OSBPL6: variants seen among roughly 807,000 people sequenced by gnomAD.
The protein encoded by OSBPL6 is oxysterol-binding protein-related protein 6.
In OSBPL6, 49 loss-of-function variants were observed where a neutral mutation model predicts 125.8. That is an observed-to-expected ratio of 0.39 (90% CI 0.31 to 0.49). The LOEUF (loss-of-function observed/expected upper bound fraction) is 0.49, where lower values mean the gene tolerates loss of function less well. Ranked by LOEUF, OSBPL6 falls within the 20% of genes least tolerant of loss-of-function variation. OSBPL6 has a pLI of 0.88. For synonymous variants in OSBPL6, 394 were observed against 391.8 expected, an observed-to-expected ratio of 1.01 and a Z score of -0.07; for missense variants, 986 against 1,135.4, an observed-to-expected ratio of 0.87 and a Z score of 1.89.
intron 21 of OSBPL6, among the ~76,000 whole-genome samples, 188 bp from the exon 22 acceptor site, chr2:178,390,885 C>T (rs1294972712): frequency 6.6e-6 from 1 of 152,184 alleles, no homozygotes; most frequent in Admixed American, 6.5e-5. Context: ...TAGAGACCAT[C>T]CCTTTCTTGA....
chr2:178,378,320 C>T (rs535669013), intron 15 of OSBPL6, among the ~76,000 whole-genome samples: 3 of 152,304 alleles, frequency 2.0e-5, no homozygotes, highest in African/African-American at 4.8e-5. Flanking sequence ...AGAGCAGGTA[C>T]TCAATAAATA....
In OSBPL6 at chr2:178,400,901, A is replaced by T. The variant is rs1233347670; in HGVS notation, c.*5342A>T. The T allele has an allele frequency of 2.0e-5, 3 of 152,256 alleles. No individual in the cohort carries two copies. The highest frequency in any genetic ancestry group is 7.2e-5 in the African/African-American group (3 of 41,460). The allele number at this position is 152,256 out of a possible 1,614,324, so 9.4% of individuals were successfully genotyped here. A position where few individuals can be genotyped will look rare whatever the true frequency, so the allele number is the denominator to read the frequency against. On this transcript the variant is annotated 3_prime_UTR_variant, in exon 25 of 25. Transcript: ENST00000190611. ...TTCCATTACCCCAGTATCCGCCATC[A>T]AGTAGTAACATGTTGTAACAGAAAG...
intron 1 of OSBPL6, among the ~76,000 whole-genome samples, chr2:178,204,781 C>CTTA (rs2089445711): frequency 1.3e-5 from 2 of 152,144 alleles, no homozygotes; most frequent in Admixed American, 1.3e-4. Flanking sequence ...GAGGAAAGAG[C>CTTA]TTACCATTGG....
At chr2:178,282,610 C>T (rs2154031600) in intron 1 of OSBPL6, among the ~76,000 whole-genome samples, 1 of 152,228 alleles carries the variant, frequency 6.6e-6, no homozygotes, top group African/African-American at 2.4e-5. Context: ...CAGAGTTCAT[C>T]ATAGGAAGGA....
intron 15 of OSBPL6, among the ~76,000 whole-genome samples, chr2:178,380,653 C>T (rs958422155): frequency 6.6e-6 from 1 of 151,886 alleles, no homozygotes; most frequent in Non-Finnish European, 1.5e-5. Context: ...CTCAAAGTGA[C>T]CCATCTGATC....
intron 1 of OSBPL6, among the ~76,000 whole-genome samples, chr2:178,255,637 G>T (rs553734166): frequency 4.0e-4 from 61 of 152,310 alleles, no homozygotes; most frequent in African/African-American, 1.4e-3. Flanking sequence ...TGCAGAGCTG[G>T]TCTTCAATTC....
At chr2:178,371,876 C>T (rs1158847204) in intron 13 of OSBPL6, among the ~76,000 whole-genome samples, 2 of 152,124 alleles carry the variant, frequency 1.3e-5, no homozygotes, top group Non-Finnish European at 1.5e-5. Context: ...TCATGAATCA[C>T]TTTTATGAAA....
intron 1 of OSBPL6, among the ~76,000 whole-genome samples, chr2:178,245,408 C>A (rs192742373): frequency 2.0e-5 from 3 of 152,168 alleles, no homozygotes; most frequent in African/African-American, 7.2e-5. Context: ...TGCTGGAAAC[C>A]TACCCCAGGT....
chr2:178,196,326 A>T (rs946431524), intron 1 of OSBPL6, among the ~76,000 whole-genome samples: 2 of 152,148 alleles, frequency 1.3e-5, no homozygotes, highest in Non-Finnish European at 2.9e-5. Context: ...ATTTTTCTTA[A>T]GGTAAAAATG....
intron 1 of OSBPL6, among the ~76,000 whole-genome samples, chr2:178,268,939 A>G (rs2092312008): frequency 1.3e-5 from 2 of 152,026 alleles, no homozygotes; most frequent in African/African-American, 4.8e-5. Flanking sequence ...TTGTCCTAAG[A>G]TGGCCTCCAG....
At chr2:178,230,779 G>A (rs1184823261) in intron 1 of OSBPL6, among the ~76,000 whole-genome samples, 1 of 152,140 alleles carries the variant, frequency 6.6e-6, no homozygotes, top group Non-Finnish European at 1.5e-5. Flanking sequence ...CTTTTGTGTG[G>A]TTTTGCAGTC....
At chr2:178,251,805 G>A (rs1367728272) in intron 1 of OSBPL6, among the ~76,000 whole-genome samples, 3 of 152,162 alleles carry the variant, frequency 2.0e-5, no homozygotes, top group African/African-American at 7.2e-5. Flanking sequence ...CTGCTCTACT[G>A]CATTTTCATC....
Position 178,265,191 on chromosome 2 carries a change from CTTTTTTTTTTTTTTTTTTTTTTTTTT to C in OSBPL6, c.-350-19723_-350-19698del, listed in dbSNP as rs376718500. On this transcript the variant is annotated intron_variant, in intron 1 of 24. Transcript: ENST00000190611. ...GTCACTTCCCCTGGCCCAGACGAGA[CTTTTTTTTTTTTTTTTTTTTTTTTTT>C]TTTTTTTTTTTTAAGATAGCATCTT... Among the ~76,000 whole-genome samples, 3 of 33,674 alleles carry C rather than the reference CTTTTTTTTTTTTTTTTTTTTTTTTTT, an allele frequency of 8.9e-5. 1 individual carries two copies. The allele number at this position is 33,674 out of a possible 152,430, so 22.1% of individuals were successfully genotyped here.
chr2:178,206,222 C>T (rs937619026), intron 1 of OSBPL6, among the ~76,000 whole-genome samples: 2 of 152,274 alleles, frequency 1.3e-5, no homozygotes, highest in African/African-American at 4.8e-5. Context: ...AGACCCGTCT[C>T]GGGTTTATGT....
chr2:178,322,607 G>A (rs1688337725), intron 3 of OSBPL6, among the ~76,000 whole-genome samples: 1 of 152,020 alleles, frequency 6.6e-6, no homozygotes, highest in African/African-American at 2.4e-5. Flanking sequence ...TATTTCACTG[G>A]TAGTTTCTGG....
chr2:178,201,522 G>A (rs947413482), intron 1 of OSBPL6, among the ~76,000 whole-genome samples: 1 of 152,200 alleles, frequency 6.6e-6, no homozygotes, highest in Non-Finnish European at 1.5e-5. Context: ...TTTTAGTTGT[G>A]TGCCACAGCA....
chr2:178,211,575 T>G (rs1236968032), intron 1 of OSBPL6, among the ~76,000 whole-genome samples: 1 of 152,162 alleles, frequency 6.6e-6, no homozygotes, highest in Non-Finnish European at 1.5e-5. Flanking sequence ...CCAGATGCCA[T>G]TTTGATAGGG....
intron 2 of OSBPL6, among the ~76,000 whole-genome samples, chr2:178,298,298 G>GT (rs1685942253): frequency 1.3e-5 from 2 of 152,272 alleles, no homozygotes; most frequent in Admixed American, 6.5e-5. Context: ...GGACACTTGG[G>GT]TTGCTTCCGC....
intron 12 of OSBPL6, 27 bp from the exon 13 acceptor site, chr2:178,361,654 GT>G: frequency 6.2e-7 from 1 of 1,612,036 alleles, no homozygotes; most frequent in East Asian, 2.2e-5. Context: ...ATATCTGACA[GT>G]TTTTTCTCAC....
Sources: gnomAD v4.1 joint callset for allele counts (sites outside exome capture counted in the v4.1 genomes callset) on GRCh38, gnomAD v4.1.1 for gene constraint, MANE v1.5 for transcripts, NCBI Gene and HGNC (gene_info 2026-07-23, HGNC 2026-07-21) for gene names.